MECOM: variants seen among roughly 807,000 people sequenced by gnomAD.
MECOM encodes the protein MDS1 and EVI1 complex locus.
A neutral mutation model predicts 116.3 loss-of-function variants in MECOM; 13 were observed. The ratio of observed to expected loss-of-function variants is 0.11; its 90% CI spans 0.07 to 0.18. The LOEUF (loss-of-function observed/expected upper bound fraction) is 0.18. Among genes scored for constraint, MECOM ranks in the 10% least tolerant of loss-of-function variants. The pLI, the probability that MECOM is intolerant of heterozygous loss-of-function variation, is 1.00. For missense variants in MECOM, 1,299 were observed against 1,509.0 expected (o/e 0.86, Z 2.31); for synonymous variants, 528 against 535.2 (o/e 0.99, Z 0.19).
intron 1 of MECOM, among the ~76,000 whole-genome samples, chr3:169,387,019 A>G (rs1733446766): frequency 6.6e-6 from 1 of 152,198 alleles, no homozygotes; most frequent in Admixed American, 6.5e-5. Flanking sequence ...TGATAAATAA[A>G]TTAGCCCTTG....
intron 1 of MECOM, among the ~76,000 whole-genome samples, chr3:169,579,909 T>A (rs980341837): frequency 6.6e-6 from 1 of 152,228 alleles, no homozygotes; most frequent in African/African-American, 2.4e-5. Flanking sequence ...ATCTCATTTA[T>A]ATCCATCTTC....
At chr3:169,325,901 C>T (rs1721756137) in intron 2 of MECOM, among the ~76,000 whole-genome samples, 1 of 152,210 alleles carries the variant, frequency 6.6e-6, no homozygotes, top group African/African-American at 2.4e-5. Flanking sequence ...AACATTTCAG[C>T]TTCCATAATG....
chr3:169,446,386 C>T (rs543101360), intron 1 of MECOM, among the ~76,000 whole-genome samples: 2 of 152,294 alleles, frequency 1.3e-5, no homozygotes, highest in African/African-American at 2.4e-5. Flanking sequence ...GCTTCTTCCT[C>T]ATTTTCTCTT....
intron 10 of MECOM, among the ~76,000 whole-genome samples, chr3:169,102,862 A>C (rs2148962808): frequency 6.6e-6 from 1 of 152,190 alleles, no homozygotes; most frequent in African/African-American, 2.4e-5. Flanking sequence ...TCAAAGACAA[A>C]GACTAAGTTG....
intron 16 of MECOM, among the ~76,000 whole-genome samples, chr3:169,086,360 C>T (rs1717737032): frequency 6.6e-6 from 1 of 152,128 alleles, no homozygotes; most frequent in South Asian, 2.1e-4. Context: ...CCTAAATTAT[C>T]TATTCTGATT....
intron 1 of MECOM, among the ~76,000 whole-genome samples, chr3:169,573,146 C>A (rs552950855): frequency 1.3e-5 from 2 of 152,274 alleles, no homozygotes; most frequent in Admixed American, 1.3e-4. Context: ...TCCCCCTCAC[C>A]CTCTGCTTTC....
intron 1 of MECOM, among the ~76,000 whole-genome samples, chr3:169,454,438 C>T (rs536772025): frequency 1.4e-5 from 2 of 147,770 alleles, no homozygotes; most frequent in South Asian, 2.1e-4. Flanking sequence ...TTACAAATGC[C>T]GTAAGTATTC....
At chr3:169,571,587 A>T (rs1763913520) in intron 1 of MECOM, among the ~76,000 whole-genome samples, 1 of 152,218 alleles carries the variant, frequency 6.6e-6, no homozygotes, top group Non-Finnish European at 1.5e-5. Flanking sequence ...CCTGACTTCA[A>T]ACTATACTAC....
chr3:169,300,318 T>G lies in MECOM; in HGVS notation c.375+80869A>C, dbSNP rs79660560. On this transcript the variant is annotated intron_variant, in intron 2 of 16. Coordinates refer to ENST00000651503, the MANE Select transcript of MECOM (RefSeq NM_004991.4). Reference sequence around the variant, plus strand: ...AATGATATTTTATAGTAAATAATCATAATTTACATACTAAGAAGAAACCTT... The same window carrying G: ...AATGATATTTTATAGTAAATAATCAGAATTTACATACTAAGAAGAAACCTT... Among the ~76,000 whole-genome samples, 13 of 152,320 alleles carry G rather than the reference T, an allele frequency of 8.5e-5. No homozygotes were observed. In the East Asian group the frequency reaches 2.5e-3, roughly 29 times the overall value.
chr3:169,350,425 T>C (rs978953591), intron 2 of MECOM, among the ~76,000 whole-genome samples: 4 of 151,830 alleles, frequency 2.6e-5, no homozygotes, highest in African/African-American at 7.3e-5. Context: ...ATAACTAACA[T>C]TGAGCTGAAT....
At chr3:169,374,670 C>G (rs1364986265) in intron 2 of MECOM, among the ~76,000 whole-genome samples, 1 of 151,766 alleles carries the variant, frequency 6.6e-6, no homozygotes. Context: ...ATAAGATAAC[C>G]CTCATCTTTA....
At chr3:169,494,898 C>A (rs566061465) in intron 1 of MECOM, among the ~76,000 whole-genome samples, 4 of 152,232 alleles carry the variant, frequency 2.6e-5, no homozygotes, top group Admixed American at 2.6e-4. Context: ...AATGATGATC[C>A]AAGGAATGGA....
At chr3:169,161,708 C>T (rs993353813) in intron 2 of MECOM, among the ~76,000 whole-genome samples, 2 of 152,116 alleles carry the variant, frequency 1.3e-5, no homozygotes, top group Admixed American at 1.3e-4. Context: ...AGCTTAGTGA[C>T]ACACTTCCGA....
chr3:169,653,956 C>T (rs1160330972), intron 1 of MECOM, among the ~76,000 whole-genome samples: 1 of 152,162 alleles, frequency 6.6e-6, no homozygotes, highest in Non-Finnish European at 1.5e-5. Flanking sequence ...AACAGCCAAG[C>T]TAAGGAATTT....
At chr3:169,631,430 T>C (rs1461482887) in intron 1 of MECOM, among the ~76,000 whole-genome samples, 3 of 152,234 alleles carry the variant, frequency 2.0e-5, no homozygotes, top group Non-Finnish European at 2.9e-5. Flanking sequence ...GTCTTTCTGT[T>C]GACTAGAGAA....
At chr3:169,109,175 A>T (rs992273231) in intron 9 of MECOM, among the ~76,000 whole-genome samples, 1 of 152,212 alleles carries the variant, frequency 6.6e-6, no homozygotes, top group Admixed American at 6.5e-5. Context: ...ATTTGTGGCC[A>T]TTCAACTCCT....
chr3:169,344,727 C>T (rs961136396), intron 2 of MECOM, among the ~76,000 whole-genome samples: 1 of 152,162 alleles, frequency 6.6e-6, no homozygotes, highest in African/African-American at 2.4e-5. Context: ...GTTTCTAAAA[C>T]AAAAACCACT....
chr3:169,278,971 G>A lies in MECOM; in HGVS notation c.375+102216C>T, dbSNP rs75781379. 2.2e-4 allele frequency among the ~76,000 whole-genome samples: 33 copies of A among 152,318 alleles called. No individual in the cohort carries two copies. The South Asian group carries it at 6.4e-3, about 30-fold the overall frequency. ...CTATGTTGCACTGTGCTCTGGCCTAGGCAGGCTCAGGAGTGCTTGCTGAGT... is the reference window on the plus strand; with the variant it reads ...CTATGTTGCACTGTGCTCTGGCCTAAGCAGGCTCAGGAGTGCTTGCTGAGT... On this transcript the variant is annotated intron_variant, in intron 2 of 16. Transcript: ENST00000651503.
chr3:169,626,053 C>T (rs1771332311), intron 1 of MECOM, among the ~76,000 whole-genome samples: 1 of 152,150 alleles, frequency 6.6e-6, no homozygotes. Flanking sequence ...TCAAAAGTTT[C>T]CTTATGTAAG....
Sources: gnomAD v4.1 joint callset for allele counts (sites outside exome capture counted in the v4.1 genomes callset) on GRCh38, gnomAD v4.1.1 for gene constraint, MANE v1.5 for transcripts, NCBI Gene and HGNC (gene_info 2026-07-23, HGNC 2026-07-21) for gene names.